MIER2: variants seen among roughly 807,000 people sequenced by gnomAD.
The protein encoded by MIER2 is MIER family member 2.
Under a neutral mutation model 67.6 loss-of-function variants are expected in MIER2, and 30 were observed. The observed-to-expected ratio is 0.44, with a 90% CI of 0.33 to 0.60. The LOEUF (loss-of-function observed/expected upper bound fraction) is 0.60, where lower values mean the gene tolerates loss of function less well. Ranked by LOEUF, MIER2 falls within the 20% of genes least tolerant of loss-of-function variation. MIER2 has a pLI of 0.02. For missense variants in MIER2, 702 were observed against 745.1 expected (o/e 0.94, Z 0.67); for synonymous variants, 372 against 312.6 (o/e 1.19, Z -2.00).
chr19:341,319 G>T (rs760372614), intron 1 of MIER2, among the ~76,000 whole-genome samples: 1 of 152,208 alleles, frequency 6.6e-6, no homozygotes, highest in Non-Finnish European at 1.5e-5. Flanking sequence ...TCCACACCGA[G>T]TAACAGGGAG....
chr19:312,200 C>A lies in MIER2; in HGVS notation c.880G>T (p.Val294Leu). Residue 294 changes from valine (V) to leucine (L), a missense_variant, in exon 9 of 14, where the codon GTG (valine) becomes TTG (leucine). Around this residue, in one of 3 missense-constraint regions of MIER2, gnomAD observed 128 missense variants for 189.7 expected, o/e 0.67. Coordinates refer to ENST00000264819, the MANE Select transcript of MIER2 (RefSeq NM_017550.3). ...ALRRLRFNVKVIRDGLCAWSE... is the reference protein window; with the variant it reads ...ALRRLRFNVKLIRDGLCAWSE... ...CCAGACCGCTGCTCACCTCGGATCA[C>A]CTTCACGTTGAACCGCAGCCTTCGC... The A allele has an allele frequency of 1.2e-6, 2 of 1,613,854 alleles. No individual in the cohort carries two copies. Among genetic ancestry groups the A allele is most frequent in the Non-Finnish European group, 1.7e-6 (2 of 1,179,856 alleles).
chr19:337,704 C>CA (rs1342330141), intron 1 of MIER2, among the ~76,000 whole-genome samples: 1 of 149,356 alleles, frequency 6.7e-6, no homozygotes, highest in African/African-American at 2.5e-5. Flanking sequence ...CTGTCTCTAC[C>CA]AAAAATACAA....
At chr19:335,464 C>T (rs1285333281) in intron 2 of MIER2, among the ~76,000 whole-genome samples, 1 of 152,212 alleles carries the variant, frequency 6.6e-6, no homozygotes, top group Non-Finnish European at 1.5e-5. Context: ...GGAGGAGCCA[C>T]GTGAGGGAAA....
intron 7 of MIER2, among the ~76,000 whole-genome samples, chr19:321,788 G>C (rs570272129): frequency 1.3e-4 from 20 of 152,314 alleles, no homozygotes; most frequent in Admixed American, 1.2e-3. Context: ...CTGAGACAGT[G>C]GCGATGACTC....
rs1036064631 is a variant in MIER2 at position 313,423 on chromosome 19, TG to T, written c.807+68del. 7.0e-6 allele frequency: 11 copies of T among 1,568,084 alleles called. No individual in the cohort carries two copies. The African/African-American group carries it at 1.2e-4, about 17-fold the overall frequency. On this transcript the variant is annotated intron_variant, in intron 8 of 13. Transcript: ENST00000264819. Reference sequence around the variant, plus strand: ...TGCCCTCCCTGGCCCCTGGAGGCACTGGGGTGTGAGCTCTGGCCCACGCCAC... The same window carrying T: ...TGCCCTCCCTGGCCCCTGGAGGCACTGGGTGTGAGCTCTGGCCCACGCCAC...
chr19:333,152 C>T (rs1416489318), intron 3 of MIER2, among the ~76,000 whole-genome samples: 1 of 99,622 alleles, frequency 1.0e-5, no homozygotes, highest in Non-Finnish European at 1.9e-5. Context: ...GCCACTATGC[C>T]CGGCTAATTT....
chr19:325,810 A>G, intron 6 of MIER2, 106 bp from the exon 7 acceptor site: 1 of 1,197,856 alleles, frequency 8.3e-7, no homozygotes, highest in South Asian at 1.2e-5. Context: ...GCCACTGTCC[A>G]GACCCCAGAC....
At chr19:317,712 G>GAC (rs1971315583) in intron 7 of MIER2, among the ~76,000 whole-genome samples, 1 of 139,740 alleles carries the variant, frequency 7.2e-6, no homozygotes, top group Admixed American at 7.3e-5. Flanking sequence ...CCTGGGCAAT[G>GAC]AGAGTGAGAC....
Position 318,669 on chromosome 19 carries a change from G to A in MIER2, c.656-5026C>T, listed in dbSNP as rs930649484. ...AACACGTACAACATTTACCAAAACA[G>A]ATCAAATAATGGACATAAAGCGAGG... On this transcript the variant is annotated intron_variant, in intron 7 of 13. Coordinates refer to ENST00000264819, the MANE Select transcript of MIER2 (RefSeq NM_017550.3). 7.2e-5 allele frequency among the ~76,000 whole-genome samples: 11 copies of A among 152,168 alleles called. 1 individual carries two copies. Among genetic ancestry groups the A allele is most frequent in the Non-Finnish European group, 8.8e-5 (6 of 68,038 alleles).
Position 308,817 on chromosome 19 carries a change from C to G in MIER2, c.1093G>C (p.Val365Leu), listed in dbSNP as rs139155301. Reference protein sequence around the residue: ...QQTRLGRRKYVPSGTTDADQD... With the variant: ...QQTRLGRRKYLPSGTTDADQD... ...TGCACGCACGTGGTTCCGGACGGGA[C>G]GTACTTCCTCCGGCCCAGCCGCGTC... The change falls in exon 11 of 14, where the codon GTC (valine) becomes CTC (leucine). Residue 365 changes from valine (V) to leucine (L), a missense_variant. By Grantham distance (32) the Val-to-Leu change is conservative (BLOSUM62 1). Transcript: ENST00000264819. The surrounding 1 kb of genome is among the most constrained non-coding windows in gnomAD (Gnocchi z 9.1). 6.2e-7 allele frequency: 1 copy of G among 1,607,190 alleles called. No homozygotes were observed. Among genetic ancestry groups the G allele is most frequent in the South Asian group, 1.1e-5 (1 of 90,978 alleles).
At chr19:327,593 G>C (rs770399844) in intron 4 of MIER2, among the ~76,000 whole-genome samples, 2 of 152,224 alleles carry the variant, frequency 1.3e-5, no homozygotes, top group Non-Finnish European at 2.9e-5. Context: ...GTGACCTCTG[G>C]GTACGGAATG....
intron 1 of MIER2, chr19:343,723 T>G (rs1348207201): frequency 7.1e-6 from 4 of 564,040 alleles, no homozygotes; most frequent in Non-Finnish European, 9.0e-6. Flanking sequence ...CTCTTGAGTC[T>G]GCCCGCCTGT....
intron 1 of MIER2, among the ~76,000 whole-genome samples, chr19:336,892 G>A (rs955391238): frequency 3.3e-5 from 5 of 151,890 alleles, no homozygotes; most frequent in African/African-American, 1.2e-4. Context: ...GCCCAGGCTG[G>A]AGTGCAGTGG....
intron 7 of MIER2, among the ~76,000 whole-genome samples, chr19:324,620 C>T (rs558280933): frequency 6.0e-5 from 9 of 150,454 alleles, no homozygotes; most frequent in South Asian, 4.2e-4. Context: ...ACCACGCAGA[C>T]GACTCGAATG....
rs78676639 is a variant in MIER2 at position 307,032 on chromosome 19, T to C, written c.1616+87A>G. ...ACTGTCCTCGGGTCCTTGGGGCAAA[T>C]GCCTCCCACCCTCCTCTGCTCAGCC... On this transcript the variant is annotated intron_variant, in intron 13 of 13. Coordinates refer to ENST00000264819, the MANE Select transcript of MIER2 (RefSeq NM_017550.3). The C allele has an allele frequency of 1.0e-3, 1,458 of 1,444,914 alleles. 25 individuals carry two copies. The East Asian group carries it at 0.032, about 32-fold the overall frequency. The allele number at this position is 1,444,914 out of a possible 1,614,324, so 89.5% of individuals were successfully genotyped here.
rs772483898 is a variant in MIER2 at position 309,993 on chromosome 19, GAC to G, written c.985-1070_985-1069del. ...ACAAGGCTTCAGGGAGACGAGAAGG[GAC>G]ACACACACACACGCACACAAGGCTT... On this transcript the variant is annotated intron_variant, in intron 10 of 13. Coordinates refer to ENST00000264819, the MANE Select transcript of MIER2 (RefSeq NM_017550.3). Among the ~76,000 whole-genome samples, 139 of 110,714 alleles carry G rather than the reference GAC, an allele frequency of 1.3e-3. 6 individuals carry two copies. The highest frequency in any genetic ancestry group is 3.2e-3 in the African/African-American group (79 of 24,670). The allele number at this position is 110,714 out of a possible 152,430, so 72.6% of individuals were successfully genotyped here.
intron 1 of MIER2, among the ~76,000 whole-genome samples, chr19:341,226 A>C (rs1459915728): frequency 6.6e-6 from 1 of 152,162 alleles, no homozygotes; most frequent in Non-Finnish European, 1.5e-5. Context: ...CAGGAGCCTG[A>C]CTAACAAGGG....
At chr19:329,080 C>T (rs957199044) in intron 3 of MIER2, among the ~76,000 whole-genome samples, 1 of 152,164 alleles carries the variant, frequency 6.6e-6, no homozygotes, top group African/African-American at 2.4e-5. Flanking sequence ...CACGCTGATC[C>T]CTGTGGGTCA....
rs1600101369 is a variant in MIER2, at chr19:306,608, G to A, written c.*82C>T. On this transcript the variant is annotated 3_prime_UTR_variant, in exon 14 of 14. Coordinates refer to ENST00000264819, the MANE Select transcript of MIER2 (RefSeq NM_017550.3). ...ACCCCAAGGCCCGGGGGGTGGGGAA[G>A]GGGTCAGGAAGACTGACAGAGGCGG... The A allele has an allele frequency of 6.5e-7, 1 of 1,528,890 alleles. No homozygotes were observed. Among genetic ancestry groups the A allele is most frequent in the Non-Finnish European group, 8.9e-7 (1 of 1,127,332 alleles). 94.7% of individuals were successfully genotyped at this position (1,528,890 alleles called of 1,614,324 possible).
Sources: allele counts gnomAD v4.1 joint callset (sites outside exome capture counted in the v4.1 genomes callset), GRCh38; gene constraint gnomAD v4.1.1; regional missense constraint gnomAD v4.1.1; non-coding constraint Gnocchi (gnomAD v3.1); transcripts MANE v1.5; gene names NCBI Gene and HGNC (gene_info 2026-07-23, HGNC 2026-07-21).